The following ADGRL3 variants were observed in gnomAD, a reference collection of about 807,000 sequenced individuals.
ADGRL3 encodes calcium-independent alpha-latrotoxin receptor 3.
Under a neutral mutation model 153.5 loss-of-function variants are expected in ADGRL3, and 62 were observed. That is an observed-to-expected ratio of 0.40 (90% CI 0.33 to 0.50). The LOEUF is 0.50. Among genes scored for constraint, ADGRL3 ranks in the 20% least tolerant of loss-of-function variants. The pLI is 0.47. For missense variants in ADGRL3, 1,641 were observed against 1,859.4 expected (o/e 0.88, Z 2.16); for synonymous variants, 710 against 672.5 (o/e 1.06, Z -0.86).
At chr4:61,372,854 C>G (rs926822700) in intron 1 of ADGRL3, among the ~76,000 whole-genome samples, 1 of 152,202 alleles carries the variant, frequency 6.6e-6, no homozygotes, top group Non-Finnish European at 1.5e-5. Context: ...AGTTTGATCT[C>G]AGACTGCTGT....
At chr4:61,908,832 A>G (rs1470976218) in intron 11 of ADGRL3, among the ~76,000 whole-genome samples, 1 of 152,042 alleles carries the variant, frequency 6.6e-6, no homozygotes, top group Non-Finnish European at 1.5e-5. Context: ...CTTACCAATT[A>G]ATATATATTC....
intron 12 of ADGRL3, 103 bp downstream of exon 12, chr4:61,909,848 C>T (rs1247568772): frequency 7.5e-6 from 6 of 798,662 alleles, no homozygotes; most frequent in Non-Finnish European, 1.1e-5. Flanking sequence ...GCTTAATTTT[C>T]CTCCTTCTAC....
At chr4:61,933,861 A>G (rs1243625961) in intron 13 of ADGRL3, 2 of 152,194 alleles carry the variant, frequency 1.3e-5, no homozygotes, top group Non-Finnish European at 2.9e-5. Flanking sequence ...GCTGCCTGTT[A>G]ACTGTGCCTG....
intron 11 of ADGRL3, among the ~76,000 whole-genome samples, chr4:61,899,694 C>A (rs1448670674): frequency 1.3e-5 from 2 of 152,148 alleles, no homozygotes; most frequent in Non-Finnish European, 1.5e-5. Flanking sequence ...GACTAGGTAG[C>A]TTATAAACAA....
At position 62,028,900 on chromosome 4, in the gene ADGRL3, G is replaced by A; in HGVS notation, c.3422+19G>A. 6.3e-7 allele frequency: 1 copy of A among 1,599,840 alleles called. No homozygotes were observed. The highest frequency in any genetic ancestry group is 8.5e-7 in the Non-Finnish European group (1 of 1,170,882). On this transcript the variant is annotated intron_variant, in intron 22 of 26. Transcript: ENST00000683033. ...TCATCAAGTAAGAATGACCTGAATGGCTGATAAATTCCGTTTATCAGTGTG... is the reference window on the plus strand; with the variant it reads ...TCATCAAGTAAGAATGACCTGAATGACTGATAAATTCCGTTTATCAGTGTG...
chr4:61,690,877 C>G (rs1199305775), intron 6 of ADGRL3, among the ~76,000 whole-genome samples: 1 of 152,110 alleles, frequency 6.6e-6, no homozygotes. Context: ...CTTCAAGAAA[C>G]TTGCCTGCTT....
intron 1 of ADGRL3, among the ~76,000 whole-genome samples, chr4:61,223,699 A>G (rs1560366997): frequency 6.6e-6 from 1 of 151,942 alleles, no homozygotes; most frequent in African/African-American, 2.4e-5. Context: ...TTGTTTGGGC[A>G]TTTTGGGTTA....
At chr4:61,460,175 C>G (rs2097793629) in intron 2 of ADGRL3, among the ~76,000 whole-genome samples, 1 of 151,850 alleles carries the variant, frequency 6.6e-6, no homozygotes, top group South Asian at 2.1e-4. Context: ...GAAGCATTTC[C>G]CCTATGTTTT....
chr4:61,364,237 G>A lies in ADGRL3; in HGVS notation c.-239-18887G>A, dbSNP rs138992959. Among the ~76,000 whole-genome samples, 824 of 151,786 alleles carry A rather than the reference G, an allele frequency of 5.4e-3. 8 individuals carry two copies. Among genetic ancestry groups the A allele is most frequent in the African/African-American group, 0.019 (781 of 41,416 alleles). ...AGTCCCAGCTGCTCAGGAGGCTGAG[G>A]CAGGGGAATCGCTTGAACCTGGCAG... On this transcript the variant is annotated intron_variant, in intron 1 of 26. Transcript: ENST00000683033.
intron 2 of ADGRL3, among the ~76,000 whole-genome samples, chr4:61,390,399 A>G (rs930839067): frequency 6.6e-6 from 1 of 152,210 alleles, no homozygotes; most frequent in African/African-American, 2.4e-5. Context: ...TTTCTGCCTG[A>G]ATCAAGGATG....
chr4:61,645,414 C>T (rs919571957), intron 5 of ADGRL3, among the ~76,000 whole-genome samples: 25 of 150,640 alleles, frequency 1.7e-4, no homozygotes, highest in Middle Eastern at 3.4e-3. Flanking sequence ...GATTTTGCAG[C>T]GGCTGGTACC....
At chr4:61,656,452 G>A (rs1346000517) in intron 5 of ADGRL3, among the ~76,000 whole-genome samples, 2 of 152,014 alleles carry the variant, frequency 1.3e-5, no homozygotes, top group Admixed American at 6.6e-5. Flanking sequence ...GAAGATTAGG[G>A]TAAATACTTA....
chr4:61,651,695 C>T (rs919771319), intron 5 of ADGRL3, among the ~76,000 whole-genome samples: 10 of 151,722 alleles, frequency 6.6e-5, no homozygotes, highest in African/African-American at 2.4e-4. Flanking sequence ...GCAACCCCCG[C>T]CTCCTGTGTT....
chr4:61,828,571 G>A (rs566069924), intron 9 of ADGRL3, among the ~76,000 whole-genome samples: 2 of 151,954 alleles, frequency 1.3e-5, no homozygotes, highest in Non-Finnish European at 2.9e-5. Context: ...CACCCTCCTC[G>A]CAAAAATCTG....
In ADGRL3 at chr4:61,497,110, C is replaced by CT; in HGVS notation, c.-173-5dup. On this transcript the variant is annotated splice_polypyrimidine_tract_variant and intron_variant, in intron 2 of 26. Coordinates refer to ENST00000683033, the MANE Select transcript of ADGRL3 (RefSeq NM_001387552.1). ...TTTATACAATAACCCTTTTTTTTTT[C>CT]TTTTTTGCAGGTTTCAGATTTGGGA... The CT allele has an allele frequency of 2.3e-6, 1 of 430,172 alleles. No individual in the cohort carries two copies. The highest frequency in any genetic ancestry group is 4.5e-5 in the South Asian group (1 of 22,220). 26.6% of individuals were successfully genotyped at this position (430,172 alleles called of 1,614,324 possible).
At chr4:61,855,710 A>G (rs1246402978) in intron 9 of ADGRL3, among the ~76,000 whole-genome samples, 2 of 152,134 alleles carry the variant, frequency 1.3e-5, no homozygotes, top group Admixed American at 6.5e-5. Context: ...TGAGCTATTA[A>G]TGAAGAAAAA....
At chr4:61,882,376 A>G (rs886856523) in intron 9 of ADGRL3, among the ~76,000 whole-genome samples, 2 of 152,130 alleles carry the variant, frequency 1.3e-5, no homozygotes, top group Admixed American at 1.3e-4. Context: ...GTATGTATAT[A>G]TCCATATCAT....
At chr4:62,050,124 A>G (rs181584006) in intron 25 of ADGRL3, among the ~76,000 whole-genome samples, 7 of 152,212 alleles carry the variant, frequency 4.6e-5, no homozygotes, top group African/African-American at 1.4e-4. Flanking sequence ...GCCAAGTAAA[A>G]TAAATAATAA....
chr4:61,228,555 A>G (rs1749025740), intron 1 of ADGRL3, among the ~76,000 whole-genome samples: 1 of 152,220 alleles, frequency 6.6e-6, no homozygotes, highest in Non-Finnish European at 1.5e-5. Context: ...GTTCTAGATT[A>G]AAACTAGACT....
Sources: gnomAD v4.1 joint callset for allele counts (sites outside exome capture counted in the v4.1 genomes callset) on GRCh38, gnomAD v4.1.1 for gene constraint, MANE v1.5 for transcripts, NCBI Gene and HGNC (gene_info 2026-07-23, HGNC 2026-07-21) for gene names.